Variants in PDIA5 observed in about 807,000 individuals in gnomAD.
PDIA5 encodes protein disulfide-isomerase A5.
In PDIA5, 58 loss-of-function variants were observed where a neutral mutation model predicts 77.6. The observed-to-expected ratio is 0.75, with a 90% CI of 0.61 to 0.93. PDIA5 has a LOEUF of 0.93. Among genes scored for constraint, PDIA5 ranks in the 40% least tolerant of loss-of-function variants. PDIA5 has a pLI of 0.00. For missense variants in PDIA5, 630 were observed against 647.7 expected (o/e 0.97, Z 0.30); for synonymous variants, 250 against 252.1 (o/e 0.99, Z 0.08).
intron 10 of PDIA5, among the ~76,000 whole-genome samples, chr3:123,127,507 C>T (rs2107962773): frequency 6.6e-6 from 1 of 152,306 alleles, no homozygotes; most frequent in East Asian, 1.9e-4. Flanking sequence ...AAGAAAGGAC[C>T]ACAATGCACT....
At position 123,150,346 on chromosome 3, in the gene PDIA5, G is replaced by T. The variant is rs767559313; in HGVS notation, c.1255G>T (p.Val419Phe). Reference sequence around the variant, plus strand: ...CCTGAAGAAGAAGAAACACACCTTGGTCATGTTCTACGCCCCTTGTAAGTA... The same window carrying T: ...CCTGAAGAAGAAGAAACACACCTTGTTCATGTTCTACGCCCCTTGTAAGTA... The part of the protein sequence containing the change: ...ETLKKKKHTL[V>F]MFYAPWCPHC... The change falls in exon 14 of 17, where the codon GTC (valine) becomes TTC (phenylalanine). Residue 419 changes from valine to phenylalanine, a missense_variant. Coordinates refer to ENST00000316218, the MANE Select transcript of PDIA5 (RefSeq NM_006810.4). The T allele has an allele frequency of 3.8e-5, 62 of 1,613,802 alleles. No individual in the cohort carries two copies. Among genetic ancestry groups the T allele is most frequent in the Non-Finnish European group, 5.2e-5 (61 of 1,179,928 alleles).
chr3:123,114,445 G>T (rs1282872612), intron 7 of PDIA5, among the ~76,000 whole-genome samples: 1 of 152,162 alleles, frequency 6.6e-6, no homozygotes, highest in Non-Finnish European at 1.5e-5. Flanking sequence ...CACCTGCAGG[G>T]CACCTATCCC....
At chr3:123,106,876 G>C in intron 6 of PDIA5, 35 bp downstream of exon 6, 16 of 1,419,566 alleles carry the variant, frequency 1.1e-5, no homozygotes, top group African/African-American at 1.4e-5. Flanking sequence ...ATGGATGCTG[G>C]AAGCTTCCCT....
At chr3:123,130,231 G>T (rs898807982) in intron 10 of PDIA5, among the ~76,000 whole-genome samples, 1 of 152,244 alleles carries the variant, frequency 6.6e-6, no homozygotes, top group Non-Finnish European at 1.5e-5. Context: ...GTAGCCAGAA[G>T]CCACTGTTTG....
intron 10 of PDIA5, among the ~76,000 whole-genome samples, chr3:123,128,925 G>A (rs1334646974): frequency 1.3e-5 from 2 of 152,152 alleles, no homozygotes; most frequent in African/African-American, 4.8e-5. Flanking sequence ...GCAAAAGTTA[G>A]CAAATTCTAG....
rs1438196664 is a variant in PDIA5 at position 123,067,112 on chromosome 3, G to A, written c.-53G>A. 2 of 1,232,204 alleles carry A rather than the reference G, an allele frequency of 1.6e-6. No homozygotes were observed. The highest frequency in any genetic ancestry group is 7.9e-5 in the South Asian group (2 of 25,404). The allele number at this position is 1,232,204 out of a possible 1,614,324, so 76.3% of individuals were successfully genotyped here. A position where few individuals can be genotyped will look rare whatever the true frequency, so the allele number is the denominator to read the frequency against. On this transcript the variant is annotated 5_prime_UTR_variant, in exon 1 of 17. Coordinates refer to ENST00000316218, the MANE Select transcript of PDIA5 (RefSeq NM_006810.4). Reference sequence around the variant, plus strand: ...CGGTGGAGCTAGCAGGCGGGCGGGCGGGAGCGGGCGCCGGAGTGGAGAAAG... The same window carrying A: ...CGGTGGAGCTAGCAGGCGGGCGGGCAGGAGCGGGCGCCGGAGTGGAGAAAG...
chr3:123,128,026 T>G (rs1394810308), intron 10 of PDIA5, among the ~76,000 whole-genome samples: 1 of 152,136 alleles, frequency 6.6e-6, no homozygotes, highest in African/African-American at 2.4e-5. Flanking sequence ...ACTCAGTCCC[T>G]CTCTTCCCAG....
At position 123,150,300 on chromosome 3, in the gene PDIA5, G is replaced by C. The variant is rs114278681; in HGVS notation, c.1209G>C (p.Val403=). 0.02 allele frequency: 32,063 copies of C among 1,613,676 alleles called. 376 individuals carry two copies. The highest frequency in any genetic ancestry group is 0.048 in the East Asian group (2,156 of 44,824). ...AGCAGACAAGCGTGTTGCACCTGGT[G>C]GGGGACAACTTCCGGGAGACCCTGA... ...EEQQTSVLHL[V]GDNFRETLKK... Residue 403 remains valine, a synonymous_variant, in exon 14 of 17, where the codon GTG becomes GTC. Transcript: ENST00000316218.
chr3:123,086,654 T>C (rs1934146902), intron 1 of PDIA5, among the ~76,000 whole-genome samples: 1 of 152,250 alleles, frequency 6.6e-6, no homozygotes, highest in African/African-American at 2.4e-5. Context: ...CTGGTTGCTC[T>C]GCAGGCTGTT....
intron 5 of PDIA5, among the ~76,000 whole-genome samples, chr3:123,103,475 C>T (rs1255715427): frequency 6.6e-6 from 1 of 152,160 alleles, no homozygotes; most frequent in Non-Finnish European, 1.5e-5. Context: ...CGTGTTTGAA[C>T]TCACTTCCTA....
intron 6 of PDIA5, 78 bp downstream of exon 6, chr3:123,106,919 C>T (rs1402406895): frequency 5.8e-5 from 54 of 934,032 alleles, no homozygotes; most frequent in Non-Finnish European, 8.2e-5. Flanking sequence ...AGGAGCCCAA[C>T]GAACTGAGAA....
At chr3:123,136,623 C>T (rs1010514855) in intron 11 of PDIA5, among the ~76,000 whole-genome samples, 5 of 151,220 alleles carry the variant, frequency 3.3e-5, no homozygotes, top group African/African-American at 4.9e-5. Flanking sequence ...CCTGTAGTCC[C>T]AGCTACTTGG....
chr3:123,137,842 C>G lies in PDIA5; in HGVS notation c.910+7226C>G, dbSNP rs1438333087. Among the ~76,000 whole-genome samples, 3 of 152,170 alleles carry G rather than the reference C, an allele frequency of 2.0e-5. No individual in the cohort carries two copies. The East Asian group carries it at 5.8e-4, about 29-fold the overall frequency. On this transcript the variant is annotated intron_variant, in intron 11 of 16. Transcript: ENST00000316218. ...GGATTTGTGGGTTGTTTAGGAAATT[C>G]TCCCTTAGGATATTAAAATAGTGCC...
At chr3:123,103,102 G>A (rs964829479) in intron 5 of PDIA5, among the ~76,000 whole-genome samples, 5 of 152,170 alleles carry the variant, frequency 3.3e-5, no homozygotes, top group African/African-American at 9.7e-5. Context: ...TAGCTTCAAA[G>A]TCCTCCCCTC....
intron 14 of PDIA5, among the ~76,000 whole-genome samples, chr3:123,151,883 GCCTGCCTTCCTTCCTGCCTGCCTTCCTT>G (rs1935912740): frequency 9.9e-6 from 1 of 101,012 alleles, no homozygotes; most frequent in Non-Finnish European, 2.2e-5. Context: ...CCGCCTTCCT[GCCTGCCTTCCTTCCTGCCTGCCTTCCTT>G]CCTGCCTTCC....
In PDIA5 at chr3:123,067,081, T is replaced by C; in HGVS notation, c.-84T>C. 1 of 1,141,220 alleles carries C rather than the reference T, an allele frequency of 8.8e-7. No individual in the cohort carries two copies. The highest frequency in any genetic ancestry group is 1.1e-6 in the Non-Finnish European group (1 of 903,296). 70.7% of individuals were successfully genotyped at this position (1,141,220 alleles called of 1,614,324 possible). The stretch of plus-strand genomic sequence containing the variant: ...GCGGCTGGGAAGTGGCCGTGGTGGT[T>C]GGCCGCGGTGGAGCTAGCAGGCGGG... On this transcript the variant is annotated 5_prime_UTR_variant, in exon 1 of 17. Coordinates refer to ENST00000316218, the MANE Select transcript of PDIA5 (RefSeq NM_006810.4).
At chr3:123,106,293 G>T (rs891357046) in intron 5 of PDIA5, among the ~76,000 whole-genome samples, 4 of 152,228 alleles carry the variant, frequency 2.6e-5, no homozygotes, top group African/African-American at 7.2e-5. Flanking sequence ...CTTATGGGAT[G>T]ACAGTTTTAG....
intron 2 of PDIA5, 70 bp downstream of exon 2, chr3:123,089,364 G>A (rs1934229013): frequency 2.0e-6 from 3 of 1,508,714 alleles, no homozygotes; most frequent in Non-Finnish European, 2.7e-6. Flanking sequence ...GGAGTGGGAG[G>A]CAGGAGACGT....
chr3:123,156,800 G>T (rs80138240), intron 15 of PDIA5, among the ~76,000 whole-genome samples: 3,589 of 140,024 alleles, frequency 0.026, 60 homozygotes, highest in Admixed American at 0.037. Flanking sequence ...GAGGCACCGA[G>T]GGGGCTGGGG....
Sources: gnomAD v4.1 joint callset for allele counts (sites outside exome capture counted in the v4.1 genomes callset) on GRCh38, gnomAD v4.1.1 for gene constraint, MANE v1.5 for transcripts, NCBI Gene and HGNC (gene_info 2026-07-23, HGNC 2026-07-21) for gene names.